The following KIAA0930 variants were observed in gnomAD, a reference collection of about 807,000 sequenced individuals.
KIAA0930 encodes uncharacterized protein KIAA0930.
In KIAA0930, 24 loss-of-function variants were observed where a neutral mutation model predicts 43.9. The ratio of observed to expected loss-of-function variants is 0.55; its 90% CI spans 0.40 to 0.77. The LOEUF is 0.77. Ranked by LOEUF, KIAA0930 falls within the 30% of genes least tolerant of loss-of-function variation. KIAA0930 has a pLI of 0.00. For synonymous variants in KIAA0930, 259 were observed against 216.4 expected, an observed-to-expected ratio of 1.20 and a Z score of -1.73; for missense variants, 461 against 574.2, an observed-to-expected ratio of 0.80 and a Z score of 2.02.
intron 1 of KIAA0930, among the ~76,000 whole-genome samples, chr22:45,230,704 C>T (rs1265606175): frequency 1.3e-5 from 2 of 151,590 alleles, no homozygotes; most frequent in African/African-American, 4.9e-5. Context: ...GCCTCAGCCT[C>T]TTGAGTAGCT....
At chr22:45,197,465 C>T (rs2083547553) in intron 9 of KIAA0930, among the ~76,000 whole-genome samples, 1 of 152,232 alleles carries the variant, frequency 6.6e-6, no homozygotes, top group African/African-American at 2.4e-5. Context: ...GAGCCACTGC[C>T]TGTCACAGCT....
Position 45,211,942 on chromosome 22 carries a change from C to T in KIAA0930, c.216+14G>A, listed in dbSNP as rs773916158. 1.9e-5 allele frequency: 30 copies of T among 1,607,424 alleles called. No individual in the cohort carries two copies. Among genetic ancestry groups the T allele is most frequent in the Admixed American group, 6.7e-5 (4 of 59,986 alleles). ...GGGGCACAGACGCAGGGGCAGGGGC[C>T]GGGGGTCACTCACCTTCCTCCCGTC... On this transcript the variant is annotated intron_variant, in intron 2 of 9. Transcript: ENST00000336156.
intron 1 of KIAA0930, among the ~76,000 whole-genome samples, chr22:45,212,857 C>T (rs189402472): frequency 4.6e-5 from 7 of 152,292 alleles, no homozygotes; most frequent in East Asian, 3.9e-4. Flanking sequence ...ACAGGTTCCT[C>T]GGGGCACATG....
chr22:45,204,010 G>A (rs374100037), intron 5 of KIAA0930, 25 bp from the exon 6 acceptor site: 6 of 1,612,426 alleles, frequency 3.7e-6, no homozygotes, highest in Non-Finnish European at 5.1e-6. Flanking sequence ...AAAGAGACAG[G>A]GACGTGACCA....
intron 1 of KIAA0930, chr22:45,213,514 G>A: frequency 2.6e-6 from 3 of 1,170,378 alleles, no homozygotes; most frequent in African/African-American, 1.6e-5. Flanking sequence ...CGTGCTGTCT[G>A]CAGAGTCGCT....
At chr22:45,208,990 C>T (rs2083667293) in intron 2 of KIAA0930, among the ~76,000 whole-genome samples, 1 of 152,242 alleles carries the variant, frequency 6.6e-6, no homozygotes, top group Non-Finnish European at 1.5e-5. Flanking sequence ...ATGGGCTGCC[C>T]AGGAACACAG....
intron 1 of KIAA0930, among the ~76,000 whole-genome samples, chr22:45,224,487 C>A (rs1177206689): frequency 6.6e-6 from 1 of 152,168 alleles, no homozygotes; most frequent in Admixed American, 6.5e-5. Flanking sequence ...CAAACGAGGA[C>A]ATGGCAGGAG....
intron 1 of KIAA0930, chr22:45,212,358 A>G: frequency 1.2e-6 from 2 of 1,601,490 alleles, no homozygotes; most frequent in Non-Finnish European, 1.7e-6. Flanking sequence ...CCAGCCCCAC[A>G]GCTGAGCCTG....
chr22:45,239,694 G>C (rs1380964379), intron 1 of KIAA0930, among the ~76,000 whole-genome samples: 2 of 152,196 alleles, frequency 1.3e-5, no homozygotes, highest in Non-Finnish European at 2.9e-5. Context: ...GTGAATGAAG[G>C]GGTGAATCTG....
At chr22:45,235,771 C>G (rs1229660942) in intron 1 of KIAA0930, among the ~76,000 whole-genome samples, 1 of 152,190 alleles carries the variant, frequency 6.6e-6, no homozygotes, top group Non-Finnish European at 1.5e-5. Context: ...TCCCTAAGTC[C>G]CTAGAGAATT....
At chr22:45,229,044 C>A (rs1601825359) in intron 1 of KIAA0930, among the ~76,000 whole-genome samples, 1 of 94,072 alleles carries the variant, frequency 1.1e-5, no homozygotes, top group African/African-American at 4.7e-5. Flanking sequence ...TCTCCACCCC[C>A]CCACCACCAA....
intron 9 of KIAA0930, 27 bp from the exon 10 acceptor site, chr22:45,197,243 G>C: frequency 1.3e-6 from 2 of 1,547,022 alleles, no homozygotes; most frequent in Non-Finnish European, 1.7e-6. Context: ...GGAAGCAGGT[G>C]AAACAGTAAC....
chr22:45,236,936 C>T (rs758779591), intron 1 of KIAA0930, among the ~76,000 whole-genome samples: 7 of 152,216 alleles, frequency 4.6e-5, no homozygotes, highest in Non-Finnish European at 1.0e-4. Context: ...GACAAGCAGC[C>T]GGATGTGGGT....
rs1384636074 is a variant in KIAA0930 at position 45,240,751 on chromosome 22, G to T, written c.-48C>A. ...GCCTCGGCGCCGCCCGCAGGCTCGG[G>T]GGCGGCGGCGGCGGGGAGGGCGGGC... is the stretch of plus-strand genomic sequence containing the variant. On this transcript the variant is annotated 5_prime_UTR_variant, in exon 1 of 10. Coordinates refer to ENST00000336156, the MANE Select transcript of KIAA0930 (RefSeq NM_001009880.2). 8.9e-6 allele frequency: 9 copies of T among 1,015,706 alleles called. No individual in the cohort carries two copies. Among genetic ancestry groups the T allele is most frequent in the Non-Finnish European group, 9.6e-6 (8 of 830,958 alleles). 62.9% of individuals were successfully genotyped at this position (1,015,706 alleles called of 1,614,324 possible).
chr22:45,211,542 GT>G (rs2083693192), intron 2 of KIAA0930: 4 of 440,380 alleles, frequency 9.1e-6, no homozygotes, highest in Non-Finnish European at 1.6e-5. Context: ...GGCTCAGTAA[GT>G]GGAAGGCACC....
Position 45,211,987 on chromosome 22 carries a change from G to C in KIAA0930, c.185C>G (p.Ser62Cys). ...CCCGTCTGCACCGCTTTCGCTGCCG[G>C]AGTACGCCAGCTTCCGGCGCACATA... ...LFYVRRKLAYSGSESGADGRK... is the reference protein window; with the variant it reads ...LFYVRRKLAYCGSESGADGRK... The change falls in exon 2 of 10, where the codon TCC (serine) becomes TGC (cysteine). Residue 62 changes from serine to cysteine, a missense_variant. Transcript: ENST00000336156. The C allele has an allele frequency of 6.2e-7, 1 of 1,613,054 alleles. No homozygotes were observed. Among genetic ancestry groups the C allele is most frequent in the Non-Finnish European group, 8.5e-7 (1 of 1,180,018 alleles).
intron 9 of KIAA0930, 82 bp downstream of exon 9, chr22:45,197,708 G>C (rs1320446065): frequency 4.8e-6 from 7 of 1,470,476 alleles, no homozygotes; most frequent in Non-Finnish European, 6.6e-6. Flanking sequence ...GATGACTCCG[G>C]GTGGCTCACA....
chr22:45,226,007 G>A (rs2673081), intron 1 of KIAA0930: 1 of 293,354 alleles, frequency 3.4e-6, no homozygotes, highest in Non-Finnish European at 7.0e-6. Context: ...TCCCCACCCA[G>A]AAAAGGCCCT....
chr22:45,216,892 G>A (rs2083736464), intron 1 of KIAA0930, among the ~76,000 whole-genome samples: 1 of 152,108 alleles, frequency 6.6e-6, no homozygotes, highest in Non-Finnish European at 1.5e-5. Context: ...CCCTCCCGGG[G>A]TCCTATGAAG....
Sources: gnomAD v4.1 joint callset for allele counts (sites outside exome capture counted in the v4.1 genomes callset) on GRCh38, gnomAD v4.1.1 for gene constraint, MANE v1.5 for transcripts, NCBI Gene and HGNC (gene_info 2026-07-23, HGNC 2026-07-21) for gene names.